Variants in PTBP2 observed in about 807,000 individuals in gnomAD.
The protein encoded by PTBP2 is polypyrimidine tract-binding protein 2.
Under a neutral mutation model 61.4 loss-of-function variants are expected in PTBP2, and 13 were observed. The observed-to-expected ratio is 0.21, with a 90% confidence interval of 0.14 to 0.34. The LOEUF (loss-of-function observed/expected upper bound fraction) is 0.34. Among genes scored for constraint, PTBP2 ranks in the 10% least tolerant of loss-of-function variants. The pLI is 1.00. For synonymous variants in PTBP2, 215 were observed against 218.5 expected, an observed-to-expected ratio of 0.98 and a Z score of 0.14; for missense variants, 405 against 642.6, an observed-to-expected ratio of 0.63 and a Z score of 4.00.
chr1:96,797,067 G>A (rs1176331054), intron 8 of PTBP2, among the ~76,000 whole-genome samples: 3 of 152,204 alleles, frequency 2.0e-5, no homozygotes, highest in African/African-American at 7.2e-5. Flanking sequence ...AAAGCCAGGT[G>A]CTGAAGTCTT....
At chr1:96,726,391 G>GC (rs1039129065) in intron 2 of PTBP2, among the ~76,000 whole-genome samples, 1 of 148,964 alleles carries the variant, frequency 6.7e-6, no homozygotes, top group Non-Finnish European at 1.5e-5. Flanking sequence ...TCCTGCCTCA[G>GC]CCTCCCTAGT....
At chr1:96,760,737 G>C (rs185035639) in intron 3 of PTBP2, among the ~76,000 whole-genome samples, 1 of 152,080 alleles carries the variant, frequency 6.6e-6, no homozygotes, top group Admixed American at 6.6e-5. Context: ...GAGCCACTGC[G>C]TCTGACCTAG....
intron 11 of PTBP2, among the ~76,000 whole-genome samples, chr1:96,810,800 T>C (rs932436719): frequency 2.6e-5 from 4 of 152,366 alleles, no homozygotes; most frequent in East Asian, 1.9e-4. Flanking sequence ...TATAGAACTT[T>C]AAAATTTTAT....
intron 2 of PTBP2, among the ~76,000 whole-genome samples, chr1:96,736,933 G>C (rs746541377): frequency 6.6e-6 from 1 of 151,860 alleles, no homozygotes; most frequent in Non-Finnish European, 1.5e-5. Context: ...TCCTGCTTTA[G>C]CCTTGCAAAG....
At chr1:96,725,736 C>A (rs1275386679) in intron 2 of PTBP2, among the ~76,000 whole-genome samples, 1 of 151,994 alleles carries the variant, frequency 6.6e-6, no homozygotes, top group African/African-American at 2.4e-5. Context: ...TTCTTTAAAA[C>A]TTAAAACATT....
chr1:96,809,889 C>G (rs552158010), intron 11 of PTBP2, among the ~76,000 whole-genome samples: 45 of 151,802 alleles, frequency 3.0e-4, no homozygotes, highest in Non-Finnish European at 3.1e-4. Flanking sequence ...ATATTAAAGA[C>G]AAGACTGGAA....
At chr1:96,761,730 T>G (rs570991460) in intron 3 of PTBP2, among the ~76,000 whole-genome samples, 1 of 152,128 alleles carries the variant, frequency 6.6e-6, no homozygotes, top group South Asian at 2.1e-4. Context: ...TTCTGTTTTT[T>G]TTTGTTTGTT....
intron 8 of PTBP2, among the ~76,000 whole-genome samples, chr1:96,798,102 G>A (rs1405266189): frequency 2.0e-5 from 3 of 151,364 alleles, no homozygotes; most frequent in African/African-American, 4.9e-5. Flanking sequence ...AAATTAGAAG[G>A]GGCTGTCAGG....
chr1:96,726,929 CATAAA>C (rs1342846060), intron 2 of PTBP2, among the ~76,000 whole-genome samples: 1 of 152,114 alleles, frequency 6.6e-6, no homozygotes, highest in African/African-American at 2.4e-5. Context: ...TATAATTTGA[CATAAA>C]ATAAACTACC....
At chr1:96,778,533 C>CGT (rs1658300243) in intron 7 of PTBP2, among the ~76,000 whole-genome samples, 1 of 152,058 alleles carries the variant, frequency 6.6e-6, no homozygotes, top group South Asian at 2.1e-4. Context: ...CTGCGCACCA[C>CGT]ATCTTTGCTT....
At chr1:96,792,678 A>C (rs1451155013) in intron 8 of PTBP2, among the ~76,000 whole-genome samples, 1 of 151,830 alleles carries the variant, frequency 6.6e-6, no homozygotes, top group Non-Finnish European at 1.5e-5. Flanking sequence ...AAATACCAAA[A>C]ATGTGTATTG....
Position 96,769,704 on chromosome 1 carries a change from C to T in PTBP2, c.117C>T (p.Ala39=). The T allele has an allele frequency of 1.3e-6, 2 of 1,567,394 alleles. No homozygotes were observed. Among genetic ancestry groups the T allele is most frequent in the Non-Finnish European group, 1.7e-6 (2 of 1,157,006 alleles). The change falls in exon 4 of 14, where the codon GCC becomes GCT. Residue 39 remains alanine (A), a splice_region_variant and synonymous_variant. Coordinates refer to ENST00000674951, the MANE Select transcript of PTBP2 (RefSeq NM_021190.4). ...GGACTGTTTTTTAATGTCTTTCAGCCAATGGTAATGATAGTAAAAAATTTA... is the reference window on the plus strand; with the variant it reads ...GGACTGTTTTTTAATGTCTTTCAGCTAATGGTAATGATAGTAAAAAATTTA... The part of the protein sequence containing the change: ...NSNMSSMVVT[A]NGNDSKKFKG...
At chr1:96,810,362 G>A (rs1216031140) in intron 11 of PTBP2, among the ~76,000 whole-genome samples, 1 of 152,020 alleles carries the variant, frequency 6.6e-6, no homozygotes, top group African/African-American at 2.4e-5. Context: ...TTTACTCCTT[G>A]TGTACTTTCA....
chr1:96,735,424 C>T lies in PTBP2; in HGVS notation c.39+11830C>T, dbSNP rs1157101694. Among the ~76,000 whole-genome samples the T allele has an allele frequency of 3.3e-5, 5 of 152,152 alleles. 2 individuals carry two copies. Among genetic ancestry groups the T allele is most frequent in the Non-Finnish European group, 7.4e-5 (5 of 68,024 alleles). On this transcript the variant is annotated intron_variant, in intron 2 of 13. Coordinates refer to ENST00000674951, the MANE Select transcript of PTBP2 (RefSeq NM_021190.4). Reference sequence around the variant, plus strand: ...TTTATAGCATTGAACAGGTTAACCTCTGAGCTTCAGTTTTATACATTTTTA... The same window carrying T: ...TTTATAGCATTGAACAGGTTAACCTTTGAGCTTCAGTTTTATACATTTTTA...
chr1:96,783,014 A>G (rs1281113758), intron 7 of PTBP2, among the ~76,000 whole-genome samples: 1 of 151,918 alleles, frequency 6.6e-6, no homozygotes, highest in Non-Finnish European at 1.5e-5. Context: ...TCTTTCTGCA[A>G]ATTATCTTGA....
chr1:96,733,458 C>G (rs1164880434), intron 2 of PTBP2, among the ~76,000 whole-genome samples: 1 of 152,150 alleles, frequency 6.6e-6, no homozygotes, highest in Non-Finnish European at 1.5e-5. Flanking sequence ...GCAGGCAGAT[C>G]ACTTGAGCCC....
exon 14 of PTBP2, chr1:96,822,752 A>G (rs1662723570): frequency 1.3e-5 from 2 of 150,256 alleles, no homozygotes; most frequent in South Asian, 4.1e-4. Context: ...AAAGACCCTT[A>G]CTCAGTAAAG....
intron 7 of PTBP2, among the ~76,000 whole-genome samples, chr1:96,779,129 A>G (rs1658368800): frequency 6.6e-6 from 1 of 152,038 alleles, no homozygotes; most frequent in Non-Finnish European, 1.5e-5. Flanking sequence ...CTCGGGTATA[A>G]TCTAATCTTA....
Position 96,774,017 on chromosome 1 carries a change from C to G in PTBP2, c.432+3166C>G, listed in dbSNP as rs77515834. Among the ~76,000 whole-genome samples the G allele has an allele frequency of 6.4e-3, 962 of 150,238 alleles. 73 individuals carry two copies. In the East Asian group the frequency reaches 0.16, roughly 25 times the overall value. On this transcript the variant is annotated intron_variant, in intron 5 of 13. Coordinates refer to ENST00000674951, the MANE Select transcript of PTBP2 (RefSeq NM_021190.4). ...ACCAGCAGGGCACTTTGGCTCATGC[C>G]TGTAATCCCAGCACTTTGAGAAGCT...
Sources: allele counts gnomAD v4.1 joint callset (sites outside exome capture counted in the v4.1 genomes callset), GRCh38; gene constraint gnomAD v4.1.1; transcripts MANE v1.5; gene names NCBI Gene and HGNC (gene_info 2026-07-23, HGNC 2026-07-21).